NUAK1: variants seen among roughly 807,000 people sequenced by gnomAD.
The protein encoded by NUAK1 is NUAK family kinase 1, also known as NUAK family SNF1-like kinase 1.
In NUAK1, 26 loss-of-function variants were observed where a neutral mutation model predicts 56.9. The ratio of observed to expected loss-of-function variants is 0.46; its 90% CI spans 0.33 to 0.63. The LOEUF is 0.63. Among genes scored for constraint, NUAK1 ranks in the 30% least tolerant of loss-of-function variants. The pLI is 0.02. For synonymous variants in NUAK1, 337 were observed against 336.0 expected, an observed-to-expected ratio of 1.00 and a Z score of -0.03; for missense variants, 727 against 876.1, an observed-to-expected ratio of 0.83 and a Z score of 2.15.
rs141601761 is a variant in NUAK1, at chr12:106,067,324, C to T, written c.1464G>A (p.Ser488=). The change falls in exon 7 of 7, where the codon TCG becomes TCA. Residue 488 remains serine (S), a synonymous_variant. Coordinates refer to ENST00000261402, the MANE Select transcript of NUAK1 (RefSeq NM_014840.3). This position sits in a 1 kb window ranked among gnomAD's most constrained non-coding sequence, Gnocchi z 6.0. ...YYSSPERSES[S]ELLDSNDVMG... ...TCACATCATTACTGTCCAACAGCTC[C>T]GAAGACTCACTGCGCTCTGGGGAAG... 1.9e-5 allele frequency: 30 copies of T among 1,614,010 alleles called. No homozygotes were observed. The African/African-American group carries it at 2.0e-4, about 11-fold the overall frequency.
chr12:106,094,724 CACTGCCAGAAGTGG>C (rs2032676768), intron 2 of NUAK1, among the ~76,000 whole-genome samples: 1 of 152,210 alleles, frequency 6.6e-6, no homozygotes, highest in African/African-American at 2.4e-5. Flanking sequence ...TGAGGCCACC[CACTGCCAGAAGTGG>C]ACTCCACGGA....
chr12:106,111,326 C>G (rs962438552), intron 1 of NUAK1, among the ~76,000 whole-genome samples: 33 of 152,172 alleles, frequency 2.2e-4, no homozygotes, highest in African/African-American at 8.0e-4. Flanking sequence ...CACATTTGCA[C>G]AGTGGCAAAA....
At chr12:106,093,427 T>C (rs992093738) in intron 2 of NUAK1, among the ~76,000 whole-genome samples, 1 of 152,250 alleles carries the variant, frequency 6.6e-6, no homozygotes, top group Non-Finnish European at 1.5e-5. Context: ...TTTCATCAGA[T>C]GTTCGGTTTG....
chr12:106,108,511 G>A (rs750845777), intron 1 of NUAK1, among the ~76,000 whole-genome samples: 7 of 151,358 alleles, frequency 4.6e-5, no homozygotes, highest in South Asian at 4.2e-4. Flanking sequence ...CTTCACTTAC[G>A]TCAAATGTAA....
At chr12:106,123,238 T>C (rs2032995410) in intron 1 of NUAK1, among the ~76,000 whole-genome samples, 1 of 152,204 alleles carries the variant, frequency 6.6e-6, no homozygotes, top group Non-Finnish European at 1.5e-5. Flanking sequence ...GCTATGGAGC[T>C]AATAAAGCAA....
At chr12:106,078,842 G>T (rs1395462941) in intron 4 of NUAK1, among the ~76,000 whole-genome samples, 2 of 152,168 alleles carry the variant, frequency 1.3e-5, no homozygotes, top group Non-Finnish European at 2.9e-5. Flanking sequence ...TGGCATCCCC[G>T]CATGGCTACT....
At chr12:106,105,323 T>C (rs2032790289) in intron 2 of NUAK1, among the ~76,000 whole-genome samples, 1 of 152,178 alleles carries the variant, frequency 6.6e-6, no homozygotes, top group South Asian at 2.1e-4. Flanking sequence ...AAACCAAAAT[T>C]GGGAAATTTT....
chr12:106,086,149 A>G (rs1357308893), intron 3 of NUAK1, among the ~76,000 whole-genome samples: 1 of 152,250 alleles, frequency 6.6e-6, no homozygotes, highest in Non-Finnish European at 1.5e-5. Flanking sequence ...GAAAATATTC[A>G]TATATAAAGA....
At chr12:106,068,575 C>G (rs2032369816) in intron 6 of NUAK1, among the ~76,000 whole-genome samples, 3 of 152,230 alleles carry the variant, frequency 2.0e-5, no homozygotes, top group Admixed American at 2.0e-4. Flanking sequence ...CCTTCTTTCC[C>G]TCTCTGACAT....
intron 1 of NUAK1, among the ~76,000 whole-genome samples, chr12:106,124,761 G>C (rs1324694845): frequency 6.6e-6 from 1 of 152,056 alleles, no homozygotes. Context: ...TGTAACCCCA[G>C]CACTACAGGA....
chr12:106,091,127 A>G (rs901681698), intron 2 of NUAK1, among the ~76,000 whole-genome samples: 2 of 152,206 alleles, frequency 1.3e-5, no homozygotes, highest in African/African-American at 4.8e-5. Flanking sequence ...GTTATTTATA[A>G]GCCCAGAAAT....
At chr12:106,136,004 C>T (rs145466707) in intron 1 of NUAK1, among the ~76,000 whole-genome samples, 13 of 152,270 alleles carry the variant, frequency 8.5e-5, no homozygotes, top group Non-Finnish European at 1.2e-4. Flanking sequence ...TTCTTAACAC[C>T]ATCTGTGAGC....
chr12:106,096,330 TC>T (rs1469042879), intron 2 of NUAK1, among the ~76,000 whole-genome samples: 1 of 152,058 alleles, frequency 6.6e-6, no homozygotes, highest in Non-Finnish European at 1.5e-5. Context: ...TTGGGTGTAA[TC>T]AAAAGAAAAC....
At position 106,075,318 on chromosome 12, in the gene NUAK1, C is replaced by CAG. The variant is rs1555222949; in HGVS notation, c.580-2477_580-2476dup. ...ACACACACACACACACACACACACA[C>CAG]AGAGAGAGAGAGAGAGCGTTCTCAG... On this transcript the variant is annotated intron_variant, in intron 4 of 6. Coordinates refer to ENST00000261402, the MANE Select transcript of NUAK1 (RefSeq NM_014840.3). Among the ~76,000 whole-genome samples, 533 of 146,838 alleles carry CAG rather than the reference C, an allele frequency of 3.6e-3. 7 individuals carry two copies. The highest frequency in any genetic ancestry group is 2.0e-3 in the Non-Finnish European group (134 of 67,054).
chr12:106,124,016 C>A (rs1227963299), intron 1 of NUAK1, among the ~76,000 whole-genome samples: 1 of 152,108 alleles, frequency 6.6e-6, no homozygotes, highest in Non-Finnish European at 1.5e-5. Context: ...CAGACTGTGC[C>A]GCCACCAGAG....
chr12:106,129,344 T>C (rs377475363), intron 1 of NUAK1, among the ~76,000 whole-genome samples: 2 of 152,232 alleles, frequency 1.3e-5, no homozygotes, highest in African/African-American at 4.8e-5. Context: ...CCCGCAATTG[T>C]TCATTCAATC....
intron 4 of NUAK1, among the ~76,000 whole-genome samples, chr12:106,074,448 A>G (rs929381630): frequency 3.9e-5 from 6 of 152,212 alleles, no homozygotes; most frequent in Non-Finnish European, 8.8e-5. Context: ...AACTCATTTA[A>G]CAGATGAGGA....
chr12:106,116,137 T>C (rs2032914476), intron 1 of NUAK1, among the ~76,000 whole-genome samples: 1 of 152,214 alleles, frequency 6.6e-6, no homozygotes, highest in South Asian at 2.1e-4. Flanking sequence ...GTACTAAGCA[T>C]GTGCCTAATG....
Position 106,121,874 on chromosome 12 carries a change from C to T in NUAK1, c.241-15349G>A, listed in dbSNP as rs1438142398. 3.3e-5 allele frequency among the ~76,000 whole-genome samples: 5 copies of T among 152,316 alleles called. No individual in the cohort carries two copies. In the East Asian group the frequency reaches 9.6e-4, roughly 29 times the overall value. On this transcript the variant is annotated intron_variant, in intron 1 of 6. Transcript: ENST00000261402. Reference sequence around the variant, plus strand: ...CACACACAAAACACACACACATGCACACACCCCTACTGGGTGAAACAGCAA... The same window carrying T: ...CACACACAAAACACACACACATGCATACACCCCTACTGGGTGAAACAGCAA...
Sources: gnomAD v4.1 joint callset for allele counts (sites outside exome capture counted in the v4.1 genomes callset) on GRCh38, gnomAD v4.1.1 for gene constraint, Gnocchi (gnomAD v3.1) non-coding constraint, MANE v1.5 for transcripts, NCBI Gene and HGNC (gene_info 2026-07-23, HGNC 2026-07-21) for gene names.